Variants in PDE10A observed in about 807,000 individuals in gnomAD.
PDE10A encodes cAMP and cAMP-inhibited cGMP 3',5'-cyclic phosphodiesterase 10A.
A neutral mutation model predicts 97.7 loss-of-function variants in PDE10A; 39 were observed. The observed-to-expected ratio is 0.40, with a 90% CI of 0.31 to 0.52. The LOEUF (loss-of-function observed/expected upper bound fraction) is 0.52, where lower values mean the gene tolerates loss of function less well. Ranked by LOEUF, PDE10A falls within the 20% of genes least tolerant of loss-of-function variation. The pLI, the probability that PDE10A is intolerant of heterozygous loss-of-function variation, is 0.56. For missense variants in PDE10A, 731 were observed against 1,047.8 expected, an observed-to-expected ratio of 0.70 and a Z score of 4.17; for synonymous variants, 371 against 376.8, an observed-to-expected ratio of 0.98 and a Z score of 0.18.
chr6:165,920,803 T>A (rs907369977), intron 1 of PDE10A, among the ~76,000 whole-genome samples: 1 of 152,204 alleles, frequency 6.6e-6, no homozygotes, highest in Admixed American at 6.5e-5. Flanking sequence ...TAGACCATAT[T>A]CCATGGGTTA....
At chr6:165,485,795 T>C (rs541493606) in intron 2 of PDE10A, among the ~76,000 whole-genome samples, 1 of 152,024 alleles carries the variant, frequency 6.6e-6, no homozygotes, top group South Asian at 2.1e-4. Context: ...GGTTTCATCA[T>C]GTTGGCCAGG....
chr6:165,526,431 G>A (rs935586993), intron 2 of PDE10A, among the ~76,000 whole-genome samples: 1 of 152,176 alleles, frequency 6.6e-6, no homozygotes, highest in African/African-American at 2.4e-5. Context: ...GACTGGGAGG[G>A]TGAGGGCTAT....
chr6:165,682,076 AG>A (rs1790992416), intron 1 of PDE10A, among the ~76,000 whole-genome samples: 2 of 152,224 alleles, frequency 1.3e-5, no homozygotes, highest in African/African-American at 4.8e-5. Context: ...CTATAAAAGT[AG>A]CCAACTGTAT....
chr6:165,826,528 CCT>C (rs1421340798), intron 1 of PDE10A, among the ~76,000 whole-genome samples: 4 of 151,570 alleles, frequency 2.6e-5, no homozygotes, highest in Non-Finnish European at 4.4e-5. Context: ...TTACTCTGCC[CCT>C]GTGTCCCTCT....
intron 1 of PDE10A, among the ~76,000 whole-genome samples, chr6:165,793,619 G>A (rs575602613): frequency 2.4e-4 from 36 of 152,286 alleles, no homozygotes; most frequent in Non-Finnish European, 3.5e-4. Flanking sequence ...AGCGATTGGG[G>A]CTCACACTGG....
At chr6:165,756,827 T>C (rs1464682116) in intron 1 of PDE10A, among the ~76,000 whole-genome samples, 1 of 147,020 alleles carries the variant, frequency 6.8e-6, no homozygotes, top group Non-Finnish European at 1.5e-5. Flanking sequence ...CTTGAATTTT[T>C]TCCAGTCTTA....
chr6:165,562,328 T>C (rs929883730), intron 1 of PDE10A, among the ~76,000 whole-genome samples: 6 of 152,136 alleles, frequency 3.9e-5, no homozygotes, highest in Admixed American at 6.6e-5. Flanking sequence ...AGTAATGAAT[T>C]AGACTTAAGT....
At chr6:165,847,071 C>G (rs576234506) in intron 1 of PDE10A, among the ~76,000 whole-genome samples, 1 of 152,322 alleles carries the variant, frequency 6.6e-6, no homozygotes, top group Non-Finnish European at 1.5e-5. Flanking sequence ...AACACCAGTG[C>G]CCCTTGTTTT....
At chr6:165,564,318 G>T (rs954882507) in intron 1 of PDE10A, among the ~76,000 whole-genome samples, 132 of 152,124 alleles carry the variant, frequency 8.7e-4, no homozygotes, top group Non-Finnish European at 1.0e-4. Context: ...GGCACCCAAG[G>T]CTCTCTAGTC....
intron 1 of PDE10A, among the ~76,000 whole-genome samples, chr6:165,887,570 G>C (rs78241419): frequency 6.6e-6 from 1 of 152,100 alleles, no homozygotes; most frequent in Non-Finnish European, 1.5e-5. Flanking sequence ...AGCCAGCAGC[G>C]TTCCCAGGCC....
At chr6:165,653,588 G>A (rs1005185391) in intron 1 of PDE10A, among the ~76,000 whole-genome samples, 11 of 152,258 alleles carry the variant, frequency 7.2e-5, no homozygotes, top group South Asian at 4.2e-4. Flanking sequence ...AGGGACCTCC[G>A]TCTCCATCCC....
At chr6:165,697,659 A>G (rs1417508256) in intron 1 of PDE10A, among the ~76,000 whole-genome samples, 2 of 152,198 alleles carry the variant, frequency 1.3e-5, no homozygotes, top group African/African-American at 4.8e-5. Flanking sequence ...TTCCTAGAGT[A>G]GTCGAATTCA....
intron 1 of PDE10A, among the ~76,000 whole-genome samples, chr6:165,626,547 G>A (rs1303095316): frequency 1.3e-5 from 2 of 152,120 alleles, no homozygotes; most frequent in African/African-American, 4.8e-5. Flanking sequence ...TTTTTGAAAG[G>A]GATAATTATT....
intron 2 of PDE10A, among the ~76,000 whole-genome samples, chr6:165,540,402 G>A (rs566570382): frequency 2.6e-5 from 4 of 151,888 alleles, no homozygotes; most frequent in African/African-American, 4.8e-5. Flanking sequence ...TGTGTTACAC[G>A]GTTTTATTTC....
At chr6:165,501,326 C>T (rs1405805258) in intron 2 of PDE10A, among the ~76,000 whole-genome samples, 1 of 152,144 alleles carries the variant, frequency 6.6e-6, no homozygotes, top group African/African-American at 2.4e-5. Context: ...CTTTGGGAGG[C>T]CCAGGCAGGC....
chr6:165,349,047 A>C (rs1304112280), intron 18 of PDE10A, among the ~76,000 whole-genome samples: 1 of 152,212 alleles, frequency 6.6e-6, no homozygotes, highest in Non-Finnish European at 1.5e-5. Context: ...CTAATACAGT[A>C]AATTGATACT....
At chr6:165,360,234 C>T (rs1171638018) in intron 18 of PDE10A, among the ~76,000 whole-genome samples, 1 of 152,122 alleles carries the variant, frequency 6.6e-6, no homozygotes. Context: ...GTGGCACTCT[C>T]AACTGCTCTG....
intron 18 of PDE10A, among the ~76,000 whole-genome samples, chr6:165,344,967 A>T (rs932002132): frequency 6.6e-6 from 1 of 152,170 alleles, no homozygotes; most frequent in Non-Finnish European, 1.5e-5. Flanking sequence ...GTTTCTAAGA[A>T]CTTTGTGTCT....
Position 165,384,654 on chromosome 6 carries a change from GTGTGTGTGTGTGTGTAT to G in PDE10A, c.2610+3627_2610+3643del, listed in dbSNP as rs1479416462. On this transcript the variant is annotated intron_variant, in intron 17 of 21. Coordinates refer to ENST00000539869, the MANE Select transcript of PDE10A (RefSeq NM_001385079.1). ...TGAGTGTGTGTGTGTGTGTGTGTGT[GTGTGTGTGTGTGTGTAT>G]GGGGGGGGGCGACTAAAGGTTAGCT... is the stretch of plus-strand genomic sequence containing the variant. Among the ~76,000 whole-genome samples the G allele has an allele frequency of 7.7e-4, 40 of 52,138 alleles. 1 individual carries two copies. Among genetic ancestry groups the G allele is most frequent in the African/African-American group, 4.2e-3 (37 of 8,758 alleles). The allele number at this position is 52,138 out of a possible 152,430, so 34.2% of individuals were successfully genotyped here. A position where few individuals can be genotyped will look rare whatever the true frequency, so the allele number is the denominator to read the frequency against.
Sources: allele counts gnomAD v4.1 joint callset (sites outside exome capture counted in the v4.1 genomes callset), GRCh38; gene constraint gnomAD v4.1.1; transcripts MANE v1.5; gene names NCBI Gene and HGNC (gene_info 2026-07-23, HGNC 2026-07-21).